DHX57: variants seen among roughly 807,000 people sequenced by gnomAD.
The protein encoded by DHX57 is DExH-box helicase 57.
A neutral mutation model predicts 156.2 loss-of-function variants in DHX57; 105 were observed. The ratio of observed to expected loss-of-function variants is 0.67; its 90% CI spans 0.57 to 0.79. The LOEUF (loss-of-function observed/expected upper bound fraction) is 0.79, where lower values mean the gene tolerates loss of function less well. DHX57 is among the 30% of genes least tolerant of loss of function. The pLI is 0.00. For synonymous variants in DHX57, 704 were observed against 595.6 expected, an observed-to-expected ratio of 1.18 and a Z score of -2.65; for missense variants, 1,847 against 1,661.9, an observed-to-expected ratio of 1.11 and a Z score of -1.94.
chr2:38,831,479 G>A (rs1346601399), intron 13 of DHX57, among the ~76,000 whole-genome samples: 1 of 151,620 alleles, frequency 6.6e-6, no homozygotes, highest in Non-Finnish European at 1.5e-5. Context: ...ACAAAATTTA[G>A]GTAATTTTCT....
chr2:38,868,753 T>G (rs572608870), intron 1 of DHX57, among the ~76,000 whole-genome samples: 1 of 152,188 alleles, frequency 6.6e-6, no homozygotes, highest in South Asian at 2.1e-4. Flanking sequence ...AAAATACACA[T>G]GTCTAGGCTT....
rs1168067530 is a variant in DHX57 at position 38,802,927 on chromosome 2, A to C, written c.3817-12T>G. On this transcript the variant is annotated splice_polypyrimidine_tract_variant and intron_variant, in intron 22 of 23. Transcript: ENST00000457308. Reference sequence around the variant, plus strand: ...TCAAAGTGTCTCACCTGTAACAAAAAACCTCAGATGATGACAGTGATGTCA... The same window carrying C: ...TCAAAGTGTCTCACCTGTAACAAAACACCTCAGATGATGACAGTGATGTCA... 18 of 1,613,874 alleles carry C rather than the reference A, an allele frequency of 1.1e-5. No individual in the cohort carries two copies. Among genetic ancestry groups the C allele is most frequent in the Non-Finnish European group, 1.5e-5 (18 of 1,179,986 alleles).
rs1670388754 is a variant in DHX57, at chr2:38,813,725, A to G, written c.3681+96T>C. 2.3e-5 allele frequency: 33 copies of G among 1,408,384 alleles called. 1 individual carries two copies. In the South Asian group the frequency reaches 3.6e-4, roughly 15 times the overall value. The allele number at this position is 1,408,384 out of a possible 1,614,324, so 87.2% of individuals were successfully genotyped here. A position where few individuals can be genotyped will look rare whatever the true frequency, so the allele number is the denominator to read the frequency against. On this transcript the variant is annotated intron_variant, in intron 21 of 23. Transcript: ENST00000457308. Reference sequence around the variant, plus strand: ...TGCGTGTGTGCACACATGCGTATATATCTCTTTAAGATGATTAATATGCAC... The same window carrying G: ...TGCGTGTGTGCACACATGCGTATATGTCTCTTTAAGATGATTAATATGCAC...
chr2:38,851,103 T>G (rs1255715720), intron 9 of DHX57, among the ~76,000 whole-genome samples: 1 of 151,888 alleles, frequency 6.6e-6, no homozygotes, highest in African/African-American at 2.4e-5. Flanking sequence ...CATTAACTCA[T>G]GCTATCATTC....
At chr2:38,824,894 C>G (rs1233814702) in intron 16 of DHX57, among the ~76,000 whole-genome samples, 1 of 152,180 alleles carries the variant, frequency 6.6e-6, no homozygotes, top group Admixed American at 6.5e-5. Context: ...GGTGATCTGC[C>G]TGCCCCAGCC....
intron 9 of DHX57, among the ~76,000 whole-genome samples, chr2:38,850,941 G>A (rs1672556826): frequency 6.6e-6 from 1 of 152,106 alleles, no homozygotes; most frequent in South Asian, 2.1e-4. Flanking sequence ...GCCAGGCCTG[G>A]TGGCGTGCAC....
At position 38,861,023 on chromosome 2, in the gene DHX57, A is replaced by C; in HGVS notation, c.1387T>G (p.Phe463Val). ...CCTTCTGGAATTTGATTAGAAACAA[A>C]AGAATTATTTGGAATCACTGTTTTA... ...CHKTVIPNNSFVSNQIPEVEK... is the reference protein window; with the variant it reads ...CHKTVIPNNSVVSNQIPEVEK... The change falls in exon 5 of 24, where the codon TTT becomes GTT. Residue 463 changes from phenylalanine to valine, a missense_variant. By Grantham distance (50) the Phe-to-Val change is conservative. Transcript: ENST00000457308. 6.2e-7 allele frequency: 1 copy of C among 1,613,628 alleles called. No individual in the cohort carries two copies. Among genetic ancestry groups the C allele is most frequent in the Non-Finnish European group, 8.5e-7 (1 of 1,179,786 alleles).
chr2:38,820,876 G>GA (rs200808059), intron 17 of DHX57, among the ~76,000 whole-genome samples: 238 of 112,046 alleles, frequency 2.1e-3, no homozygotes, highest in Middle Eastern at 5.1e-3. Context: ...TTTAATGAAG[G>GA]AAAAAAAAAA....
At chr2:38,839,650 G>A (rs1395500173) in intron 12 of DHX57, among the ~76,000 whole-genome samples, 3 of 151,934 alleles carry the variant, frequency 2.0e-5, no homozygotes, top group Non-Finnish European at 4.4e-5. Flanking sequence ...GAACCCAGGA[G>A]GCGGAGGTTG....
chr2:38,803,129 A>AC, intron 22 of DHX57: 1 of 554,406 alleles, frequency 1.8e-6, no homozygotes, highest in Non-Finnish European at 3.1e-6. Flanking sequence ...TGTTTAAAAA[A>AC]AAAAAAGCTT....
chr2:38,835,214 A>G (rs907201264), intron 13 of DHX57, among the ~76,000 whole-genome samples: 1 of 152,226 alleles, frequency 6.6e-6, no homozygotes, highest in Non-Finnish European at 1.5e-5. Context: ...TGGAAAAAAA[A>G]TGCCACAAAG....
At chr2:38,845,985 C>T (rs1433677214) in intron 11 of DHX57, among the ~76,000 whole-genome samples, 2 of 151,908 alleles carry the variant, frequency 1.3e-5, no homozygotes, top group Non-Finnish European at 2.9e-5. Flanking sequence ...CCTGCCTCAG[C>T]CTCCAGATTG....
intron 1 of DHX57, among the ~76,000 whole-genome samples, chr2:38,874,321 G>A (rs1294899707): frequency 2.0e-5 from 3 of 151,480 alleles, no homozygotes; most frequent in Non-Finnish European, 4.4e-5. Context: ...GTACTCCTGA[G>A]CTCAAGCAAT....
intron 23 of DHX57, 33 bp downstream of exon 23, chr2:38,802,682 G>A (rs780512915): frequency 6.8e-6 from 11 of 1,612,142 alleles, no homozygotes; most frequent in African/African-American, 1.3e-5. Flanking sequence ...CTCATGGCCT[G>A]AGCCTCATAA....
intron 13 of DHX57, among the ~76,000 whole-genome samples, chr2:38,835,479 C>G (rs973686339): frequency 5.3e-5 from 8 of 152,190 alleles, no homozygotes; most frequent in African/African-American, 1.4e-4. Flanking sequence ...CAGGAAGCAC[C>G]TTGCCAAAGT....
chr2:38,863,651 G>C, intron 2 of DHX57, 132 bp from the exon 3 acceptor site: 1 of 814,974 alleles, frequency 1.2e-6, no homozygotes, highest in South Asian at 2.3e-5. Flanking sequence ...CAATGAATGT[G>C]AGGAGATTCT....
Position 38,806,550 on chromosome 2 carries a change from C to A in DHX57, c.3816+9G>T, listed in dbSNP as rs1669947756. 1.2e-6 allele frequency: 2 copies of A among 1,613,148 alleles called. No individual in the cohort carries two copies. ...CCTGTAAACATTAAGTATACTCCAC[C>A]ATTCTGACCTGATAGTTCACTGATG... On this transcript the variant is annotated intron_variant, in intron 22 of 23. Coordinates refer to ENST00000457308, the MANE Select transcript of DHX57 (RefSeq NM_198963.3).
intron 13 of DHX57, among the ~76,000 whole-genome samples, chr2:38,834,486 TA>T (rs1671551897): frequency 6.6e-6 from 1 of 152,174 alleles, no homozygotes. Context: ...AGAATCGACT[TA>T]AAAAAATGTA....
rs565024907 is a variant in DHX57 at position 38,853,786 on chromosome 2, A to C, written c.2030+268T>G. On this transcript the variant is annotated intron_variant, in intron 9 of 23. Coordinates refer to ENST00000457308, the MANE Select transcript of DHX57 (RefSeq NM_198963.3). ...TTATTTCTACTAAGTACGGTATTCA[A>C]CTTAGCATAATGCCCAGGATGGTGT... 4.1e-4 allele frequency: 91 copies of C among 221,240 alleles called. 1 individual carries two copies. The highest frequency in any genetic ancestry group is 9.8e-4 in the South Asian group (9 of 9,204). 13.7% of individuals were successfully genotyped at this position (221,240 alleles called of 1,614,324 possible).
Sources: allele counts gnomAD v4.1 joint callset (sites outside exome capture counted in the v4.1 genomes callset), GRCh38; gene constraint gnomAD v4.1.1; transcripts MANE v1.5; gene names NCBI Gene and HGNC (gene_info 2026-07-23, HGNC 2026-07-21).